SUGCT: variants seen among roughly 807,000 people sequenced by gnomAD.
SUGCT encodes the protein succinyl-CoA:glutarate-CoA transferase.
SUGCT carries 41 observed loss-of-function variants against 55.0 expected under a neutral mutation model. The observed-to-expected ratio is 0.74, with a 90% confidence interval of 0.58 to 0.97. The LOEUF (loss-of-function observed/expected upper bound fraction) is 0.97, where lower values mean the gene tolerates loss of function less well. Ranked by LOEUF, SUGCT falls within the 50% of genes least tolerant of loss-of-function variation. SUGCT has a pLI of 0.00. For synonymous variants in SUGCT, 187 were observed against 200.4 expected, an observed-to-expected ratio of 0.93 and a Z score of 0.56; for missense variants, 568 against 547.8, an observed-to-expected ratio of 1.04 and a Z score of -0.37.
intron 12 of SUGCT, among the ~76,000 whole-genome samples, chr7:40,592,081 T>A (rs1265795058): frequency 4.6e-5 from 7 of 152,222 alleles, no homozygotes; most frequent in Admixed American, 2.6e-4. Flanking sequence ...AGAATTTTTT[T>A]ACTGTAGAAA....
intron 9 of SUGCT, among the ~76,000 whole-genome samples, chr7:40,327,575 G>A (rs1182145579): frequency 6.6e-6 from 1 of 152,240 alleles, no homozygotes; most frequent in Non-Finnish European, 1.5e-5. Flanking sequence ...GACATATAGT[G>A]TTTTAAATGT....
At position 40,522,357 on chromosome 7, in the gene SUGCT, T is replaced by C. The variant is rs117332938; in HGVS notation, c.1089+25971T>C. Among the ~76,000 whole-genome samples the C allele has an allele frequency of 4.9e-4, 74 of 152,282 alleles. No homozygotes were observed. The East Asian group carries it at 0.011, about 23-fold the overall frequency. On this transcript the variant is annotated intron_variant, in intron 12 of 13. Transcript: ENST00000335693. Reference sequence around the variant, plus strand: ...TTCAAAAGCCCTTTCTCTAAGTTTCTAAGTTATTAATTCTAATGTTTTCCA... The same window carrying C: ...TTCAAAAGCCCTTTCTCTAAGTTTCCAAGTTATTAATTCTAATGTTTTCCA...
intron 11 of SUGCT, among the ~76,000 whole-genome samples, chr7:40,472,160 AATT>A (rs925952102): frequency 2.2e-4 from 34 of 152,224 alleles, no homozygotes; most frequent in African/African-American, 8.2e-4. Context: ...GTGACTCGAT[AATT>A]CTATTTTGAA....
At chr7:40,832,782 C>T (rs1250635330) in intron 13 of SUGCT, among the ~76,000 whole-genome samples, 1 of 151,778 alleles carries the variant, frequency 6.6e-6, no homozygotes, top group Non-Finnish European at 1.5e-5. Flanking sequence ...TCACGCCATT[C>T]TCTTGCCTCA....
chr7:40,197,837 C>T (rs1379686614), intron 6 of SUGCT, among the ~76,000 whole-genome samples: 1 of 151,574 alleles, frequency 6.6e-6, no homozygotes, highest in African/African-American at 2.4e-5. Context: ...ATCATCGAGT[C>T]AAAAAAAATG....
intron 13 of SUGCT, among the ~76,000 whole-genome samples, chr7:40,770,708 G>A (rs899710999): frequency 2.0e-5 from 3 of 152,120 alleles, no homozygotes; most frequent in Non-Finnish European, 4.4e-5. Context: ...AAGAAGAGAA[G>A]GGATATTAAT....
intron 11 of SUGCT, among the ~76,000 whole-genome samples, chr7:40,482,797 A>T (rs1481405469): frequency 1.3e-5 from 2 of 152,202 alleles, no homozygotes; most frequent in African/African-American, 4.8e-5. Flanking sequence ...AGAATTGTTA[A>T]TGTGTTCATA....
chr7:40,977,490 C>T, the SUGCT span, among the ~76,000 whole-genome samples: 1 of 152,136 alleles, frequency 6.6e-6, no homozygotes, highest in East Asian at 1.9e-4. Context: ...TTTACCCAGA[C>T]CTATTTGTAT....
At chr7:40,941,887 A>G in the SUGCT span, among the ~76,000 whole-genome samples, 10 of 152,036 alleles carry the variant, frequency 6.6e-5, no homozygotes, top group Non-Finnish European at 1.0e-4. Context: ...AATAGCTACT[A>G]CTGTTCATTT....
the SUGCT span, among the ~76,000 whole-genome samples, chr7:40,903,037 CTTT>C: frequency 6.9e-6 from 1 of 144,892 alleles, no homozygotes. Context: ...CTTTTCTTTT[CTTT>C]TTTTTTTTTT....
chr7:40,158,649 C>G (rs1293275489), intron 1 of SUGCT, among the ~76,000 whole-genome samples: 1 of 152,108 alleles, frequency 6.6e-6, no homozygotes, highest in Non-Finnish European at 1.5e-5. Context: ...ACTCGGGAGG[C>G]TGAGACAGGA....
At position 40,684,264 on chromosome 7, in the gene SUGCT, A is replaced by G. The variant is rs191435174; in HGVS notation, c.1090-65170A>G. The G allele has an allele frequency of 1.1e-5, 15 of 1,319,288 alleles. No individual in the cohort carries two copies. In the East Asian group the frequency reaches 3.4e-4, roughly 30 times the overall value. The allele number at this position is 1,319,288 out of a possible 1,614,324, so 81.7% of individuals were successfully genotyped here. A position where few individuals can be genotyped will look rare whatever the true frequency, so the allele number is the denominator to read the frequency against. On this transcript the variant is annotated intron_variant, in intron 12 of 13. Coordinates refer to ENST00000335693, the MANE Select transcript of SUGCT (RefSeq NM_001193313.2). ...CTTATTCATTTACATCACAGGTTTCAGGGATTAGGACATAGCATCTTTGGG... is the reference window on the plus strand; with the variant it reads ...CTTATTCATTTACATCACAGGTTTCGGGGATTAGGACATAGCATCTTTGGG...
the SUGCT span, among the ~76,000 whole-genome samples, chr7:40,998,809 C>T: frequency 6.6e-6 from 1 of 152,210 alleles, no homozygotes; most frequent in Non-Finnish European, 1.5e-5. Flanking sequence ...CTTTTCACTG[C>T]GCCCCTAATG....
chr7:40,200,152 T>G (rs1177576291), intron 6 of SUGCT, among the ~76,000 whole-genome samples: 1 of 152,172 alleles, frequency 6.6e-6, no homozygotes, highest in East Asian at 1.9e-4. Context: ...CCTCCTTATT[T>G]CCTTCCTTTC....
At chr7:40,182,291 G>T (rs1785255598) in intron 3 of SUGCT, among the ~76,000 whole-genome samples, 1 of 152,192 alleles carries the variant, frequency 6.6e-6, no homozygotes, top group African/African-American at 2.4e-5. Flanking sequence ...CTGAGGCTGG[G>T]CACAGTGGTT....
At chr7:40,514,982 CTTCT>C (rs924256264) in intron 12 of SUGCT, among the ~76,000 whole-genome samples, 1 of 152,144 alleles carries the variant, frequency 6.6e-6, no homozygotes, top group African/African-American at 2.4e-5. Context: ...GTCTCGTGGA[CTTCT>C]CACTTGATTT....
intron 12 of SUGCT, among the ~76,000 whole-genome samples, chr7:40,726,575 T>C (rs1281256659): frequency 6.6e-6 from 1 of 152,188 alleles, no homozygotes. Context: ...ACCTGCATAC[T>C]TAAGACACTT....
rs1400065452 is a variant in SUGCT, at chr7:40,217,503, C to T, written c.485-20132C>T. Reference sequence around the variant, plus strand: ...CTGGGATTACAGGAATGAGCCACCGCGCCTGGCCAACTTCCTGAATTATCG... The same window carrying T: ...CTGGGATTACAGGAATGAGCCACCGTGCCTGGCCAACTTCCTGAATTATCG... On this transcript the variant is annotated intron_variant, in intron 6 of 13. Coordinates refer to ENST00000335693, the MANE Select transcript of SUGCT (RefSeq NM_001193313.2). The T allele has an allele frequency of 3.1e-5, 13 of 414,702 alleles. No homozygotes were observed. In the East Asian group the frequency reaches 3.2e-4, roughly 10 times the overall value. 25.7% of individuals were successfully genotyped at this position (414,702 alleles called of 1,614,324 possible).
intron 13 of SUGCT, among the ~76,000 whole-genome samples, chr7:40,796,570 T>C (rs1790565212): frequency 6.6e-6 from 1 of 152,186 alleles, no homozygotes; most frequent in African/African-American, 2.4e-5. Flanking sequence ...CCCCGAAAGC[T>C]AGGAGGCAGC....
Sources: allele counts gnomAD v4.1 joint callset (sites outside exome capture counted in the v4.1 genomes callset), GRCh38; gene constraint gnomAD v4.1.1; transcripts MANE v1.5; gene names NCBI Gene and HGNC (gene_info 2026-07-23, HGNC 2026-07-21).